Variants in EYS observed in about 807,000 individuals in gnomAD.
EYS encodes the protein EGF-like photoreceptor maintenance factor.
A neutral mutation model predicts 282.1 loss-of-function variants in EYS; 250 were observed. That is an observed-to-expected ratio of 0.89 (90% CI 0.80 to 0.98). EYS has a LOEUF of 0.98. EYS is among the 50% of genes least tolerant of loss of function. EYS has a pLI of 0.00. For missense variants in EYS, 4,016 were observed against 3,709.0 expected (o/e 1.08, Z -2.15); for synonymous variants, 1,355 against 1,282.9 (o/e 1.06, Z -1.20).
intron 11 of EYS, among the ~76,000 whole-genome samples, chr6:65,322,082 A>G (rs1480104390): frequency 3.3e-5 from 5 of 152,192 alleles, no homozygotes; most frequent in African/African-American, 7.2e-5. Flanking sequence ...TAGCCTAATT[A>G]ATGTGCTACA....
At chr6:65,620,660 G>T (rs973794186) in intron 2 of EYS, among the ~76,000 whole-genome samples, 1 of 150,092 alleles carries the variant, frequency 6.7e-6, no homozygotes, top group Non-Finnish European at 1.5e-5. Context: ...GTCAATTTTG[G>T]ATCTTTCCTG....
chr6:64,213,031 T>G (rs933791757), intron 31 of EYS, among the ~76,000 whole-genome samples: 2 of 152,036 alleles, frequency 1.3e-5, no homozygotes, highest in African/African-American at 4.8e-5. Flanking sequence ...ATATTCCATG[T>G]TTTCCCTTAT....
chr6:65,340,777 T>C (rs1461690264), intron 10 of EYS, among the ~76,000 whole-genome samples: 1 of 151,184 alleles, frequency 6.6e-6, no homozygotes, highest in African/African-American at 2.4e-5. Flanking sequence ...CTAAAATAAT[T>C]AGTTTTTCTC....
At chr6:64,356,086 A>G (rs1194233582) in intron 29 of EYS, among the ~76,000 whole-genome samples, 6 of 151,552 alleles carry the variant, frequency 4.0e-5, no homozygotes, top group Non-Finnish European at 8.9e-5. Context: ...TTTTATTTAT[A>G]TTATCTAAAT....
chr6:64,725,391 T>C (rs570421077), intron 22 of EYS, among the ~76,000 whole-genome samples: 1 of 151,370 alleles, frequency 6.6e-6, no homozygotes, highest in South Asian at 2.1e-4. Context: ...TTCCCACCCA[T>C]CAGAATAGGG....
chr6:63,941,740 A>T (rs922653947), intron 35 of EYS, among the ~76,000 whole-genome samples: 1 of 152,152 alleles, frequency 6.6e-6, no homozygotes, highest in African/African-American at 2.4e-5. Context: ...TGTGTTTATG[A>T]TCGGGACTCC....
At chr6:64,990,853 G>T (rs1243385536) in intron 14 of EYS, among the ~76,000 whole-genome samples, 2 of 151,508 alleles carry the variant, frequency 1.3e-5, no homozygotes, top group African/African-American at 2.4e-5. Flanking sequence ...TGTTTACTCA[G>T]GTGAATCAAC....
At chr6:63,981,029 G>A (rs1296399454) in intron 35 of EYS, among the ~76,000 whole-genome samples, 1 of 151,872 alleles carries the variant, frequency 6.6e-6, no homozygotes, top group Non-Finnish European at 1.5e-5. Flanking sequence ...ACTCTACACT[G>A]CTCCGTGTAT....
At chr6:65,438,921 T>A (rs1475669953) in intron 5 of EYS, among the ~76,000 whole-genome samples, 1 of 152,294 alleles carries the variant, frequency 6.6e-6, no homozygotes, top group East Asian at 1.9e-4. Context: ...AGACATGAAG[T>A]CCTTGTCCAT....
intron 12 of EYS, among the ~76,000 whole-genome samples, chr6:65,208,496 G>C (rs141581923): frequency 1.1e-4 from 17 of 151,976 alleles, no homozygotes; most frequent in Non-Finnish European, 2.5e-4. Flanking sequence ...AAAGATACCT[G>C]CACTTGTCTG....
intron 35 of EYS, among the ~76,000 whole-genome samples, chr6:63,882,771 A>T (rs1773166541): frequency 6.6e-6 from 1 of 152,188 alleles, no homozygotes; most frequent in Non-Finnish European, 1.5e-5. Flanking sequence ...TCCGAAACAT[A>T]AAAAATGCAA....
chr6:64,822,852 A>T, intron 19 of EYS, 30 bp from the exon 20 acceptor site: 2 of 1,524,856 alleles, frequency 1.3e-6, no homozygotes, highest in East Asian at 5.0e-5. Context: ...GCAAAACATG[A>T]AACCATTTAA....
chr6:65,051,986 T>C (rs1216748961), intron 13 of EYS, among the ~76,000 whole-genome samples: 1 of 151,614 alleles, frequency 6.6e-6, no homozygotes, highest in East Asian at 1.9e-4. Flanking sequence ...CATTGGTAAG[T>C]AAGACACTTC....
intron 35 of EYS, among the ~76,000 whole-genome samples, chr6:63,922,562 C>CA (rs959858863): frequency 1.3e-5 from 2 of 149,940 alleles, no homozygotes; most frequent in Admixed American, 6.6e-5. Context: ...GACTCTGCCT[C>CA]AAAAAAAAAT....
chr6:64,482,639 C>T (rs114600794), intron 26 of EYS, among the ~76,000 whole-genome samples: 1,517 of 151,590 alleles, frequency 0.01, 28 homozygotes, highest in African/African-American at 0.035. Flanking sequence ...TAATGTAGAA[C>T]GATTATTGTA....
chr6:65,258,583 C>A (rs184546015), intron 12 of EYS, among the ~76,000 whole-genome samples: 61 of 152,068 alleles, frequency 4.0e-4, no homozygotes, highest in African/African-American at 9.2e-4. Context: ...CAAATAATTT[C>A]AAAGGTTAGG....
intron 26 of EYS, among the ~76,000 whole-genome samples, chr6:64,514,416 C>G (rs777756997): frequency 4.0e-5 from 6 of 151,776 alleles, no homozygotes; most frequent in Admixed American, 1.3e-4. Flanking sequence ...CTTAAAAGAA[C>G]AAACACTTGC....
intron 32 of EYS, among the ~76,000 whole-genome samples, chr6:64,074,346 A>C (rs1306426067): frequency 6.6e-6 from 1 of 151,102 alleles, no homozygotes; most frequent in Non-Finnish European, 1.5e-5. Flanking sequence ...TAGTCTTATA[A>C]AAAGAAATAA....
chr6:64,061,404 G>T (rs931147636), intron 33 of EYS, among the ~76,000 whole-genome samples: 2 of 152,122 alleles, frequency 1.3e-5, no homozygotes, highest in Non-Finnish European at 2.9e-5. Context: ...TTCAAAATTC[G>T]CTGAAATGAA....
Sources: gnomAD v4.1 joint callset for allele counts (sites outside exome capture counted in the v4.1 genomes callset) on GRCh38, gnomAD v4.1.1 for gene constraint, MANE v1.5 for transcripts, NCBI Gene and HGNC (gene_info 2026-07-23, HGNC 2026-07-21) for gene names.